Variants in PNPLA7 observed in about 807,000 individuals in gnomAD.
PNPLA7 encodes the protein patatin like domain 7, lysophospholipase.
In PNPLA7, 153 loss-of-function variants were observed where a neutral mutation model predicts 161.7. That is an observed-to-expected ratio of 0.95 (90% CI 0.83 to 1.08). The LOEUF is 1.08. PNPLA7 is among the 50% of genes least tolerant of loss of function. PNPLA7 has a pLI of 0.00. For synonymous variants in PNPLA7, 809 were observed against 782.1 expected (o/e 1.03, Z -0.57); for missense variants, 1,739 against 1,856.6 (o/e 0.94, Z 1.16).
intron 25 of PNPLA7, 37 bp downstream of exon 25, chr9:137,477,997 C>G: frequency 7.5e-7 from 1 of 1,334,902 alleles, no homozygotes; most frequent in Admixed American, 3.6e-5. Flanking sequence ...TCACCACACA[C>G]ACCAGTGAGG....
At chr9:137,472,954 C>CA (rs200651828) in intron 25 of PNPLA7, among the ~76,000 whole-genome samples, 1,904 of 134,644 alleles carry the variant, frequency 0.014, 36 homozygotes, top group African/African-American at 0.043. Context: ...GACTCCGTCT[C>CA]AAAAAAGAAA....
At position 137,460,065 on chromosome 9, in the gene PNPLA7, C is replaced by T; in HGVS notation, c.*328G>A. Reference sequence around the variant, plus strand: ...CAGGCAGTTCACAGGGCTTTGGGGGCCTCACAGGGCAGCAGGTGGTTCACA... The same window carrying T: ...CAGGCAGTTCACAGGGCTTTGGGGGTCTCACAGGGCAGCAGGTGGTTCACA... On this transcript the variant is annotated 3_prime_UTR_variant, in exon 35 of 35. Coordinates refer to ENST00000406427, the MANE Select transcript of PNPLA7 (RefSeq NM_001098537.3). 3.4e-6 allele frequency: 1 copy of T among 295,476 alleles called. No individual in the cohort carries two copies. The allele number at this position is 295,476 out of a possible 1,614,324, so 18.3% of individuals were successfully genotyped here. A position where few individuals can be genotyped will look rare whatever the true frequency, so the allele number is the denominator to read the frequency against.
intron 14 of PNPLA7, among the ~76,000 whole-genome samples, chr9:137,504,313 G>A (rs1486946488): frequency 6.6e-6 from 1 of 152,160 alleles, no homozygotes; most frequent in African/African-American, 2.4e-5. Context: ...CCAGGTTCAA[G>A]CAATTCTCCT....
At chr9:137,502,741 A>ACGGGG (rs1833548376) in intron 14 of PNPLA7, among the ~76,000 whole-genome samples, 2 of 8,184 alleles carry the variant, frequency 2.4e-4, no homozygotes, top group African/African-American at 6.0e-4. Flanking sequence ...GGGGGACGAG[A>ACGGGG]GGGATGTGGG....
chr9:137,521,863 C>G, intron 9 of PNPLA7, 147 bp from the exon 10 acceptor site: 4 of 582,846 alleles, frequency 6.9e-6, no homozygotes, highest in Non-Finnish European at 8.8e-6. Context: ...ACCCCGCAGA[C>G]TTGACACCTC....
At position 137,540,781 on chromosome 9, in the gene PNPLA7, G is replaced by A. The variant is rs1564367896; in HGVS notation, c.667-59C>T. ...TCTGGGGCTGCGACCGCGGGGCCTG[G>A]CGGAGGCTCAGCCCAGCCCAGGGCA... On this transcript the variant is annotated intron_variant, in intron 7 of 34. Transcript: ENST00000406427. The surrounding 1 kb of genome is among the most constrained non-coding windows in gnomAD (Gnocchi z 5.1). 3 of 1,505,274 alleles carry A rather than the reference G, an allele frequency of 2.0e-6. No homozygotes were observed. Among genetic ancestry groups the A allele is most frequent in the East Asian group, 2.4e-5 (1 of 41,698 alleles). 93.2% of individuals were successfully genotyped at this position (1,505,274 alleles called of 1,614,324 possible). A position where few individuals can be genotyped will look rare whatever the true frequency, so the allele number is the denominator to read the frequency against.
At chr9:137,469,459 T>C (rs1169514583) in intron 25 of PNPLA7, among the ~76,000 whole-genome samples, 1 of 152,138 alleles carries the variant, frequency 6.6e-6, no homozygotes, top group Non-Finnish European at 1.5e-5. Flanking sequence ...TGATAAATCC[T>C]AACATAAATC....
chr9:137,529,660 T>G (rs1353374193), intron 8 of PNPLA7, among the ~76,000 whole-genome samples: 1 of 149,946 alleles, frequency 6.7e-6, no homozygotes, highest in East Asian at 1.9e-4. Flanking sequence ...ATCTTTGTTT[T>G]TTTTTTTTTT....
intron 20 of PNPLA7, chr9:137,492,229 G>T (rs1257867494): frequency 1.0e-6 from 1 of 985,224 alleles, no homozygotes; most frequent in Non-Finnish European, 1.2e-6. Context: ...CTCTAGAATG[G>T]TCTCATTATC....
chr9:137,505,925 C>T, intron 13 of PNPLA7, 58 bp downstream of exon 13: 1 of 1,552,390 alleles, frequency 6.4e-7, no homozygotes, highest in Non-Finnish European at 8.8e-7. Context: ...AATGCACCAG[C>T]AAGCCACGGA....
At chr9:137,464,826 C>T in intron 26 of PNPLA7, 1 of 266,514 alleles carries the variant, frequency 3.8e-6, no homozygotes, top group South Asian at 4.5e-5. Context: ...AGGAGGAGAG[C>T]TCGGGGCGGG....
At chr9:137,482,391 C>T (rs1274473886) in intron 21 of PNPLA7, among the ~76,000 whole-genome samples, 1 of 152,238 alleles carries the variant, frequency 6.6e-6, no homozygotes, top group Admixed American at 6.5e-5. Context: ...CGGACGATGA[C>T]TCAGCACCAA....
At chr9:137,461,757 C>A (rs536740326) in intron 32 of PNPLA7, 137 bp from the exon 33 acceptor site, 414 of 1,196,280 alleles carry the variant, frequency 3.5e-4, no homozygotes, top group Non-Finnish European at 4.7e-4. Context: ...GGGCAGGGAC[C>A]GGGGAGATGC....
At chr9:137,463,102 G>C in intron 29 of PNPLA7, 1 of 597,228 alleles carries the variant, frequency 1.7e-6, no homozygotes, top group South Asian at 2.1e-5. Context: ...CAGGCTGTTA[G>C]TTTCTGACTG....
At chr9:137,484,852 C>G (rs1832389955) in intron 20 of PNPLA7, 116 bp from the exon 21 acceptor site, 1 of 1,274,494 alleles carries the variant, frequency 7.8e-7, no homozygotes, top group South Asian at 1.5e-5. Flanking sequence ...CAGAGGCCGC[C>G]TGGCCCTCCC....
intron 26 of PNPLA7, among the ~76,000 whole-genome samples, chr9:137,465,576 A>G (rs1469721287): frequency 6.6e-6 from 1 of 152,182 alleles, no homozygotes; most frequent in Non-Finnish European, 1.5e-5. Context: ...CCCTCTTTTG[A>G]GCAGCCACGC....
Position 137,524,423 on chromosome 9 carries a change from T to C in PNPLA7, c.748-1566A>G, listed in dbSNP as rs924829719. 6.6e-6 allele frequency among the ~76,000 whole-genome samples: 1 copy of C among 151,042 alleles called. No individual in the cohort carries two copies. Among genetic ancestry groups the C allele is most frequent in the Non-Finnish European group, 1.5e-5 (1 of 67,714 alleles). On this transcript the variant is annotated intron_variant, in intron 8 of 34. Transcript: ENST00000406427. The surrounding 1 kb of genome is among the most constrained non-coding windows in gnomAD (Gnocchi z 4.4). ...GCTGCCTCATGGAGGCCTTGCAGTG[T>C]CTCCTCGTGAAGGCCTCGCAGGGTC... is the stretch of plus-strand genomic sequence containing the variant.
intron 12 of PNPLA7, among the ~76,000 whole-genome samples, chr9:137,514,913 T>C (rs1452168500): frequency 1.3e-5 from 2 of 151,824 alleles, no homozygotes; most frequent in East Asian, 3.9e-4. Context: ...GCCCGGGCCC[T>C]GTGGCTGGGC....
rs1213231637 is a variant in PNPLA7, at chr9:137,522,335, C to A, written c.876+394G>T. Among the ~76,000 whole-genome samples, 182 of 151,564 alleles carry A rather than the reference C, an allele frequency of 1.2e-3. 1 individual carries two copies. The highest frequency in any genetic ancestry group is 3.2e-3 in the Admixed American group (49 of 15,254). The stretch of plus-strand genomic sequence containing the variant: ...GTGATCCGCCCACCTCGGCCTCCCA[C>A]AGTGCTGGGGTTACAGGCGGGAGCC... On this transcript the variant is annotated intron_variant, in intron 9 of 34. Coordinates refer to ENST00000406427, the MANE Select transcript of PNPLA7 (RefSeq NM_001098537.3).
Sources: gnomAD v4.1 joint callset for allele counts (sites outside exome capture counted in the v4.1 genomes callset) on GRCh38, gnomAD v4.1.1 for gene constraint, Gnocchi (gnomAD v3.1) non-coding constraint, MANE v1.5 for transcripts, NCBI Gene and HGNC (gene_info 2026-07-23, HGNC 2026-07-21) for gene names.